HSD17B4: variants seen among roughly 807,000 people sequenced by gnomAD.
The protein encoded by HSD17B4 is peroxisomal multifunctional enzyme type 2.
In HSD17B4, 70 loss-of-function variants were observed where a neutral mutation model predicts 101.0. The ratio of observed to expected loss-of-function variants is 0.69; its 90% CI spans 0.57 to 0.85. The LOEUF is 0.85. Ranked by LOEUF, HSD17B4 falls within the 40% of genes least tolerant of loss-of-function variation. The pLI, the probability that HSD17B4 is intolerant of heterozygous loss-of-function variation, is 0.00. For synonymous variants in HSD17B4, 347 were observed against 297.1 expected, an observed-to-expected ratio of 1.17 and a Z score of -1.73; for missense variants, 984 against 892.4, an observed-to-expected ratio of 1.10 and a Z score of -1.31.
intron 13 of HSD17B4, among the ~76,000 whole-genome samples, chr5:119,499,979 T>C (rs1395861153): frequency 2.6e-5 from 4 of 152,084 alleles, no homozygotes; most frequent in Non-Finnish European, 5.9e-5. Flanking sequence ...GGAACAGTAA[T>C]AGGGCCAGCA....
chr5:119,475,752 G>C, intron 5 of HSD17B4, 25 bp downstream of exon 5: 1 of 1,586,480 alleles, frequency 6.3e-7, no homozygotes, highest in Non-Finnish European at 8.7e-7. Flanking sequence ...TTCATTTTTA[G>C]TGATGTGTGT....
At chr5:119,453,052 G>T (rs1194951028) in intron 1 of HSD17B4, among the ~76,000 whole-genome samples, 2 of 152,232 alleles carry the variant, frequency 1.3e-5, no homozygotes, top group Non-Finnish European at 2.9e-5. Flanking sequence ...CCCCTGAAGC[G>T]CAGAGATGTC....
chr5:119,504,736 A>G (rs941323886), intron 14 of HSD17B4, among the ~76,000 whole-genome samples: 9 of 151,798 alleles, frequency 5.9e-5, no homozygotes, highest in African/African-American at 2.2e-4. Context: ...TTGTCTGTTT[A>G]CTCTGTTCAT....
chr5:119,529,897 CAAG>C lies in HSD17B4; in HGVS notation c.1774_1776del (p.Glu592del). 6.3e-7 allele frequency: 1 copy of C among 1,591,316 alleles called. No homozygotes were observed. Among genetic ancestry groups the C allele is most frequent in the South Asian group, 1.1e-5 (1 of 90,666 alleles). On this transcript the variant is annotated inframe_deletion, in exon 21 of 24. Coordinates refer to ENST00000510025, the MANE Select transcript of HSD17B4 (RefSeq NM_000414.4). ...TTTTTTTTCTTCTCCTCCTAAGGTC[CAAG>C]AAACTGGAGACATTGTCATTTCAAA...
intron 17 of HSD17B4, 119 bp downstream of exon 17, chr5:119,515,165 C>T: frequency 2.9e-6 from 2 of 692,714 alleles, no homozygotes; most frequent in Non-Finnish European, 5.3e-6. Context: ...TGTTATTATT[C>T]AACATAATAA....
intron 16 of HSD17B4, among the ~76,000 whole-genome samples, chr5:119,514,755 C>A (rs762855052): frequency 6.6e-6 from 1 of 152,162 alleles, no homozygotes; most frequent in Admixed American, 6.5e-5. Context: ...TTACATAATT[C>A]TTTACATTTA....
intron 22 of HSD17B4, 54 bp downstream of exon 22, chr5:119,531,458 G>A (rs1219811236): frequency 1.8e-5 from 28 of 1,547,114 alleles, no homozygotes; most frequent in East Asian, 2.3e-5. Context: ...AGTAAATAAA[G>A]TATCTTTTTA....
rs1290085722 is a variant in HSD17B4, at chr5:119,496,586, A to G, written c.912A>G (p.Ser304=). 6.2e-7 allele frequency: 1 copy of G among 1,604,700 alleles called. No homozygotes were observed. Among genetic ancestry groups the G allele is most frequent in the Non-Finnish European group, 8.5e-7 (1 of 1,171,536 alleles). Residue 304 remains serine, a synonymous_variant, in exon 12 of 24, where the codon TCA becomes TCG. Transcript: ENST00000510025. The part of the protein sequence containing the change: ...SIIEVLSKID[S]EGGVSANHTS... ...TTGAAGTTCTGAGTAAAATAGATTC[A>G]GAAGGAGGAGTTTCAGCAAATCATA...
At chr5:119,517,773 A>G (rs958008873) in intron 17 of HSD17B4, among the ~76,000 whole-genome samples, 17 of 151,634 alleles carry the variant, frequency 1.1e-4, no homozygotes, top group African/African-American at 4.1e-4. Context: ...AGGGATTGTA[A>G]ATGCACCAAT....
intron 16 of HSD17B4, among the ~76,000 whole-genome samples, chr5:119,514,644 A>T (rs1752453925): frequency 6.6e-6 from 1 of 152,210 alleles, no homozygotes; most frequent in Non-Finnish European, 1.5e-5. Context: ...ATCAATTTAG[A>T]TGTGAATTAT....
intron 11 of HSD17B4, among the ~76,000 whole-genome samples, chr5:119,496,200 G>A (rs1275954721): frequency 2.0e-5 from 3 of 152,162 alleles, no homozygotes; most frequent in Non-Finnish European, 4.4e-5. Flanking sequence ...CTCTCCATCA[G>A]ACAAATTGCA....
intron 13 of HSD17B4, among the ~76,000 whole-genome samples, chr5:119,501,250 G>A (rs936197806): frequency 4.0e-5 from 6 of 151,582 alleles, no homozygotes; most frequent in African/African-American, 1.2e-4. Flanking sequence ...TTTTCAAGCC[G>A]TATGACACAG....
At chr5:119,474,582 T>C (rs1452856513) in intron 4 of HSD17B4, 122 bp downstream of exon 4, 2 of 744,772 alleles carry the variant, frequency 2.7e-6, no homozygotes, top group East Asian at 5.2e-5. Context: ...TTTTAAAATT[T>C]GATTTATAAG....
In HSD17B4 at chr5:119,536,432, T is replaced by G; in HGVS notation, c.2003T>G (p.Leu668Arg). Residue 668 changes from leucine (L) to arginine (R), a missense_variant, in exon 23 of 24, where the codon CTG becomes CGG. By Grantham distance (102) the Leu-to-Arg change is moderately radical (BLOSUM62 -2). Transcript: ENST00000510025. ...TTCCTATTTTTCCCAGCTATTGACC[T>G]GAAAAGTGGTTCTGGAAAAGTGTAC... The part of the protein sequence containing the change: ...GNIGAKWTID[L>R]KSGSGKVYQG... The G allele has an allele frequency of 6.2e-7, 1 of 1,612,234 alleles. No homozygotes were observed. The highest frequency in any genetic ancestry group is 1.1e-5 in the South Asian group (1 of 91,060).
chr5:119,504,105 A>T (rs754522715), intron 14 of HSD17B4, among the ~76,000 whole-genome samples: 1 of 152,174 alleles, frequency 6.6e-6, no homozygotes, highest in Non-Finnish European at 1.5e-5. Flanking sequence ...TGCGGAGCAC[A>T]TGATTTTGTT....
chr5:119,527,607 A>C (rs77577008), intron 20 of HSD17B4, among the ~76,000 whole-genome samples: 2 of 152,118 alleles, frequency 1.3e-5, no homozygotes, highest in African/African-American at 4.8e-5. Flanking sequence ...AAAACATGAC[A>C]GAAATCTATC....
At chr5:119,521,208 A>G (rs1301287832) in intron 17 of HSD17B4, among the ~76,000 whole-genome samples, 1 of 152,222 alleles carries the variant, frequency 6.6e-6, no homozygotes, top group Non-Finnish European at 1.5e-5. Context: ...AAAATGGTGC[A>G]TCATTGTTGT....
chr5:119,531,668 T>C (rs2126898069), intron 22 of HSD17B4, among the ~76,000 whole-genome samples: 1 of 152,076 alleles, frequency 6.6e-6, no homozygotes, highest in South Asian at 2.1e-4. Context: ...TTCATTGTAA[T>C]CCTTGAAAGT....
In HSD17B4 at chr5:119,507,798, A is replaced by T. The variant is rs1020438651; in HGVS notation, c.1333+909A>T. 1.4e-4 allele frequency among the ~76,000 whole-genome samples: 21 copies of T among 150,306 alleles called. 1 individual carries two copies. Among genetic ancestry groups the T allele is most frequent in the Non-Finnish European group, 2.4e-4 (16 of 67,692 alleles). The stretch of plus-strand genomic sequence containing the variant: ...GACTCTGTACCAAAAAAAAAAAAAA[A>T]TTTGTACATTTTATAAATTAAATTT... On this transcript the variant is annotated intron_variant, in intron 15 of 23. Transcript: ENST00000510025.
Sources: allele counts gnomAD v4.1 joint callset (sites outside exome capture counted in the v4.1 genomes callset), GRCh38; gene constraint gnomAD v4.1.1; transcripts MANE v1.5; gene names NCBI Gene and HGNC (gene_info 2026-07-23, HGNC 2026-07-21).